Variants in KLHL29 observed in about 807,000 individuals in gnomAD.
KLHL29 encodes kelch like family member 29, also known as kelch-like protein 29.
A neutral mutation model predicts 80.4 loss-of-function variants in KLHL29; 21 were observed. The observed-to-expected ratio is 0.26, with a 90% CI of 0.19 to 0.38. The LOEUF (loss-of-function observed/expected upper bound fraction) is 0.38. Ranked by LOEUF, KLHL29 falls within the 10% of genes least tolerant of loss-of-function variation. The pLI is 1.00. For synonymous variants in KLHL29, 511 were observed against 526.8 expected, an observed-to-expected ratio of 0.97 and a Z score of 0.41; for missense variants, 867 against 1,223.9, an observed-to-expected ratio of 0.71 and a Z score of 4.35.
chr2:23,525,964 C>T (rs1666302101), intron 2 of KLHL29, among the ~76,000 whole-genome samples: 1 of 152,210 alleles, frequency 6.6e-6, no homozygotes, highest in Admixed American at 6.5e-5. Flanking sequence ...CTCATCTGGC[C>T]ATGGCAAGTC....
chr2:23,479,028 C>T lies in KLHL29; in HGVS notation c.-46+3361C>T, dbSNP rs182881789. On this transcript the variant is annotated intron_variant, in intron 2 of 13. Coordinates refer to ENST00000486442, the MANE Select transcript of KLHL29 (RefSeq NM_052920.2). ...ACAGCCTTACTTCCTGAGCTCTCCC[C>T]TTGTCCACTCCCCTCTTGGCCTCCG... 8.7e-4 allele frequency among the ~76,000 whole-genome samples: 132 copies of T among 151,898 alleles called. 3 individuals are homozygous for T. In the East Asian group the frequency reaches 0.018, roughly 21 times the overall value.
intron 2 of KLHL29, among the ~76,000 whole-genome samples, chr2:23,481,045 G>T (rs56331748): frequency 1.3e-5 from 2 of 152,024 alleles, no homozygotes; most frequent in African/African-American, 4.8e-5. Context: ...CTCTCGAAAC[G>T]GTAACTCTCA....
chr2:23,414,813 G>A (rs935088924), intron 1 of KLHL29, among the ~76,000 whole-genome samples: 19 of 152,216 alleles, frequency 1.2e-4, no homozygotes, highest in Admixed American at 2.0e-4. Context: ...GTTTTTCATA[G>A]AACTAAATGC....
chr2:23,636,774 G>A (rs575697476), intron 3 of KLHL29, among the ~76,000 whole-genome samples: 167 of 152,316 alleles, frequency 1.1e-3, no homozygotes, highest in African/African-American at 4.0e-3. Context: ...GGAAAAGTGT[G>A]AGATTTTTCA....
intron 5 of KLHL29, among the ~76,000 whole-genome samples, chr2:23,676,545 C>T (rs1266568388): frequency 1.3e-5 from 2 of 152,162 alleles, no homozygotes; most frequent in South Asian, 2.1e-4. Flanking sequence ...AATCCCAATG[C>T]TTTGAGAAGC....
chr2:23,482,832 CATTCAT>C (rs1558354792), intron 2 of KLHL29, among the ~76,000 whole-genome samples: 7 of 3,476 alleles, frequency 2.0e-3, no homozygotes, highest in East Asian at 0.017. Context: ...CTCACTCATT[CATTCAT>C]TCATTCATTC....
At chr2:23,694,956 C>T (rs1177661824) in intron 8 of KLHL29, among the ~76,000 whole-genome samples, 1 of 152,176 alleles carries the variant, frequency 6.6e-6, no homozygotes, top group African/African-American at 2.4e-5. Context: ...TCTGCACCCC[C>T]AGTGATGAGC....
chr2:23,539,933 C>T (rs1178556167), intron 2 of KLHL29, among the ~76,000 whole-genome samples: 3 of 152,176 alleles, frequency 2.0e-5, no homozygotes, highest in South Asian at 2.1e-4. Flanking sequence ...AAGCAACCTT[C>T]GTCCCATCGT....
intron 3 of KLHL29, among the ~76,000 whole-genome samples, chr2:23,581,319 T>G (rs1374577804): frequency 1.3e-5 from 2 of 152,218 alleles, no homozygotes; most frequent in African/African-American, 4.8e-5. Flanking sequence ...ACATGGATTC[T>G]CTTTCATGTA....
At chr2:23,466,894 G>A (rs1019940022) in intron 1 of KLHL29, among the ~76,000 whole-genome samples, 2 of 152,194 alleles carry the variant, frequency 1.3e-5, no homozygotes, top group African/African-American at 4.8e-5. Context: ...CTTTCTGGGG[G>A]ACTTTCCTGG....
intron 1 of KLHL29, among the ~76,000 whole-genome samples, chr2:23,417,765 G>T (rs1466926961): frequency 6.6e-6 from 1 of 152,068 alleles, no homozygotes; most frequent in Non-Finnish European, 1.5e-5. Flanking sequence ...CTGCTGAAGT[G>T]CTTGCAGTTC....
At chr2:23,604,135 T>C (rs2103525156) in intron 3 of KLHL29, among the ~76,000 whole-genome samples, 1 of 141,870 alleles carries the variant, frequency 7.0e-6, no homozygotes, top group African/African-American at 2.6e-5. Flanking sequence ...CTTTCTTTTT[T>C]GTTTTTTTAT....
rs150622663 is a variant in KLHL29, at chr2:23,685,927, G to C, written c.1079+1390G>C. Among the ~76,000 whole-genome samples the C allele has an allele frequency of 3.9e-5, 6 of 152,346 alleles. No individual in the cohort carries two copies. In the East Asian group the frequency reaches 1.2e-3, roughly 29 times the overall value. ...GCTAGAGAGGACAGAAAGGGGGCAG[G>C]TCAGTGCTGAGCGGCAGCCTAGTCC... On this transcript the variant is annotated intron_variant, in intron 6 of 13. Coordinates refer to ENST00000486442, the MANE Select transcript of KLHL29 (RefSeq NM_052920.2).
chr2:23,535,768 G>A (rs919256460), intron 2 of KLHL29, among the ~76,000 whole-genome samples: 38 of 152,278 alleles, frequency 2.5e-4, no homozygotes, highest in African/African-American at 8.9e-4. Context: ...GGAAAGGGGA[G>A]TTATTGTTTT....
intron 3 of KLHL29, among the ~76,000 whole-genome samples, chr2:23,625,624 C>A (rs1215730213): frequency 6.6e-6 from 1 of 152,094 alleles, no homozygotes; most frequent in African/African-American, 2.4e-5. Flanking sequence ...CAAGATGGAG[C>A]CAGAGAAACA....
intron 1 of KLHL29, among the ~76,000 whole-genome samples, chr2:23,445,577 A>C (rs1663650682): frequency 6.6e-6 from 1 of 152,210 alleles, no homozygotes; most frequent in East Asian, 1.9e-4. Flanking sequence ...TGCAATGAGT[A>C]ATCTCTAGTG....
At chr2:23,692,427 G>A (rs968151082) in intron 7 of KLHL29, among the ~76,000 whole-genome samples, 5 of 152,220 alleles carry the variant, frequency 3.3e-5, no homozygotes, top group Non-Finnish European at 5.9e-5. Context: ...ATGCTACCCC[G>A]CATGGGCGAC....
At chr2:23,605,458 A>C (rs1668685377) in intron 3 of KLHL29, among the ~76,000 whole-genome samples, 1 of 152,114 alleles carries the variant, frequency 6.6e-6, no homozygotes, top group Non-Finnish European at 1.5e-5. Context: ...AGGAGGCTTC[A>C]TAGGGCCCAG....
chr2:23,627,964 G>A (rs192908241), intron 3 of KLHL29, among the ~76,000 whole-genome samples: 2 of 147,034 alleles, frequency 1.4e-5, no homozygotes, highest in African/African-American at 5.0e-5. Context: ...CTGGAGGGCA[G>A]TGGCACGATC....
Sources: allele counts gnomAD v4.1 joint callset (sites outside exome capture counted in the v4.1 genomes callset), GRCh38; gene constraint gnomAD v4.1.1; transcripts MANE v1.5; gene names NCBI Gene and HGNC (gene_info 2026-07-23, HGNC 2026-07-21).